Variants in STX3 observed in about 807,000 individuals in gnomAD.
The protein encoded by STX3 is syntaxin-3.
A neutral mutation model predicts 40.2 loss-of-function variants in STX3; 19 were observed. That is an observed-to-expected ratio of 0.47 (90% confidence interval 0.33 to 0.69). The LOEUF (loss-of-function observed/expected upper bound fraction) is 0.69. Among genes scored for constraint, STX3 ranks in the 30% least tolerant of loss-of-function variants. The pLI is 0.02. For synonymous variants in STX3, 122 were observed against 132.2 expected, an observed-to-expected ratio of 0.92 and a Z score of 0.53; for missense variants, 364 against 366.7, an observed-to-expected ratio of 0.99 and a Z score of 0.06.
intron 1 of STX3, among the ~76,000 whole-genome samples, chr11:59,764,012 C>A (rs1226117543): frequency 2.0e-5 from 3 of 150,354 alleles, no homozygotes; most frequent in African/African-American, 7.4e-5. Flanking sequence ...GAGCGAAACT[C>A]CGTCTCAAAA....
rs956770416 is a variant in STX3 at position 59,781,423 on chromosome 11, A to G, written c.115-5614A>G. On this transcript the variant is annotated intron_variant, in intron 2 of 10. Coordinates refer to ENST00000337979, the MANE Select transcript of STX3 (RefSeq NM_004177.5). Reference sequence around the variant, plus strand: ...GTTATTGTGCTTTCCTTCCCATCCCACTCCTGATGCTGAACCAATGCACCA... The same window carrying G: ...GTTATTGTGCTTTCCTTCCCATCCCGCTCCTGATGCTGAACCAATGCACCA... 1,178 of 1,608,848 alleles carry G rather than the reference A, an allele frequency of 7.3e-4. 1 individual carries two copies. The highest frequency in any genetic ancestry group is 8.9e-4 in the Non-Finnish European group (1,052 of 1,178,176).
rs367903171 is a variant in STX3, at chr11:59,792,058, A to T, written c.358-49A>T. The T allele has an allele frequency of 3.4e-6, 5 of 1,454,398 alleles. No homozygotes were observed. In the African/African-American group the frequency reaches 7.0e-5, roughly 20 times the overall value. 90.1% of individuals were successfully genotyped at this position (1,454,398 alleles called of 1,614,324 possible). ...TGTGGGGGTGGGGAGGGGTTCTATA[A>T]CAGTTACAGAACCACTGGGGCCTGA... On this transcript the variant is annotated intron_variant, in intron 5 of 10. Coordinates refer to ENST00000337979, the MANE Select transcript of STX3 (RefSeq NM_004177.5).
intron 6 of STX3, 93 bp downstream of exon 6, chr11:59,792,308 G>A (rs1470311859): frequency 1.9e-6 from 2 of 1,067,190 alleles, no homozygotes; most frequent in Non-Finnish European, 1.4e-6. Context: ...CAAGCAGGAA[G>A]CACATTTTGT....
At position 59,805,846 on chromosome 11, in the gene STX3, T is replaced by G. The variant is rs1199118426; in HGVS notation, c.*5022T>G. 2 of 153,230 alleles carry G rather than the reference T, an allele frequency of 1.3e-5. No homozygotes were observed. The highest frequency in any genetic ancestry group is 6.5e-5 in the Admixed American group (1 of 15,456). The allele number at this position is 153,230 out of a possible 1,614,324, so 9.5% of individuals were successfully genotyped here. A position where few individuals can be genotyped will look rare whatever the true frequency, so the allele number is the denominator to read the frequency against. The stretch of plus-strand genomic sequence containing the variant: ...CCTTCCAAGATTGTGAGAAGATGGG[T>G]AGCTGGGCATCAATAAATATTGAAT... On this transcript the variant is annotated 3_prime_UTR_variant, in exon 11 of 11. Transcript: ENST00000337979.
chr11:59,784,256 C>T (rs560446773), intron 2 of STX3, among the ~76,000 whole-genome samples: 64 of 152,368 alleles, frequency 4.2e-4, no homozygotes, highest in Admixed American at 4.0e-3. Context: ...CATGCAAAAT[C>T]TAAGTCCTTC....
intron 2 of STX3, among the ~76,000 whole-genome samples, chr11:59,784,657 G>A (rs1319240102): frequency 6.6e-6 from 1 of 152,212 alleles, no homozygotes; most frequent in Non-Finnish European, 1.5e-5. Context: ...CAGGCAAAAA[G>A]AGAGCTTGTG....
chr11:59,786,601 G>C (rs76964354), intron 2 of STX3, among the ~76,000 whole-genome samples: 15,713 of 151,572 alleles, frequency 0.1, 1,142 homozygotes, highest in African/African-American at 0.2. Context: ...CACTCTCTAG[G>C]TTTGTTCTTT....
rs1345229733 is a variant in STX3 at position 59,803,081 on chromosome 11, A to G, written c.*2257A>G. The G allele has an allele frequency of 2.4e-6, 3 of 1,227,476 alleles. No individual in the cohort carries two copies. Among genetic ancestry groups the G allele is most frequent in the Non-Finnish European group, 3.0e-6 (3 of 985,762 alleles). 76.0% of individuals were successfully genotyped at this position (1,227,476 alleles called of 1,614,324 possible). On this transcript the variant is annotated 3_prime_UTR_variant, in exon 11 of 11. Coordinates refer to ENST00000337979, the MANE Select transcript of STX3 (RefSeq NM_004177.5). ...GTTGGCATTCTGGGTCCTAGAAGCC[A>G]GATCCATCTCCTTTTTCCTTCTGTT...
Position 59,803,275 on chromosome 11 carries a change from A to G in STX3, c.*2451A>G. ...CCTTGCGATCATCTTAGCTTCCACCATTGGGAGCATATTTGCCTGAAAAAG... is the reference window on the plus strand; with the variant it reads ...CCTTGCGATCATCTTAGCTTCCACCGTTGGGAGCATATTTGCCTGAAAAAG... On this transcript the variant is annotated 3_prime_UTR_variant, in exon 11 of 11. Coordinates refer to ENST00000337979, the MANE Select transcript of STX3 (RefSeq NM_004177.5). The G allele has an allele frequency of 1.6e-6, 2 of 1,231,620 alleles. No homozygotes were observed. Among genetic ancestry groups the G allele is most frequent in the Non-Finnish European group, 2.0e-6 (2 of 987,878 alleles). The allele number at this position is 1,231,620 out of a possible 1,614,324, so 76.3% of individuals were successfully genotyped here. A position where few individuals can be genotyped will look rare whatever the true frequency, so the allele number is the denominator to read the frequency against.
At position 59,805,669 on chromosome 11, in the gene STX3, A is replaced by G. The variant is rs892328773; in HGVS notation, c.*4845A>G. The G allele has an allele frequency of 6.6e-6, 1 of 152,428 alleles. No individual in the cohort carries two copies. The highest frequency in any genetic ancestry group is 1.5e-5 in the Non-Finnish European group (1 of 68,242). 9.4% of individuals were successfully genotyped at this position (152,428 alleles called of 1,614,324 possible). On this transcript the variant is annotated 3_prime_UTR_variant, in exon 11 of 11. Transcript: ENST00000337979. ...AGTGGTGCATGGCACATAGCACTGT[A>G]CTAGATTCTGCAGGGGCACAAACAT...
At chr11:59,778,864 C>A (rs377269980) in intron 2 of STX3, among the ~76,000 whole-genome samples, 10 of 109,676 alleles carry the variant, frequency 9.1e-5, no homozygotes, top group African/African-American at 3.7e-4. Context: ...GATGAAGTTT[C>A]GCTCTTGTCG....
chr11:59,773,983 A>C (rs1968797), intron 2 of STX3, among the ~76,000 whole-genome samples: 8,340 of 144,662 alleles, frequency 0.058, 474 homozygotes, highest in African/African-American at 0.14. Flanking sequence ...CACACAAAAA[A>C]AAAAAAAAAA....
intron 2 of STX3, chr11:59,781,825 T>A (rs940510345): frequency 9.1e-7 from 1 of 1,096,174 alleles, no homozygotes; most frequent in Non-Finnish European, 1.3e-6. Context: ...ATATGAAGAC[T>A]GCTTGGGATT....
chr11:59,781,203 T>G (rs1489942691), intron 2 of STX3: 1 of 721,022 alleles, frequency 1.4e-6, no homozygotes, highest in South Asian at 1.8e-5. Flanking sequence ...ATAAAGATAA[T>G]TGAACACAGT....
chr11:59,779,123 G>T (rs1864188502), intron 2 of STX3, among the ~76,000 whole-genome samples: 1 of 152,120 alleles, frequency 6.6e-6, no homozygotes, highest in South Asian at 2.1e-4. Flanking sequence ...TAGGTGTGAG[G>T]CACCACGCTG....
intron 10 of STX3, chr11:59,799,708 A>G (rs1011568206): frequency 3.0e-6 from 3 of 985,376 alleles, no homozygotes; most frequent in East Asian, 1.1e-4. Context: ...CTTCCATGTG[A>G]CCAGGGGATC....
At chr11:59,799,775 C>G in intron 10 of STX3, 1 of 985,348 alleles carries the variant, frequency 1.0e-6, no homozygotes, top group Non-Finnish European at 1.2e-6. Flanking sequence ...AGATAAGCAA[C>G]AGTGAGATGA....
At chr11:59,770,210 AGGT>A (rs1420960093) in intron 1 of STX3, among the ~76,000 whole-genome samples, 3 of 138,376 alleles carry the variant, frequency 2.2e-5, no homozygotes, top group Non-Finnish European at 4.7e-5. Flanking sequence ...GTATATGAAG[AGGT>A]GGGGTGTATG....
At chr11:59,787,837 T>C (rs1479760096) in intron 3 of STX3, among the ~76,000 whole-genome samples, 1 of 152,224 alleles carries the variant, frequency 6.6e-6, no homozygotes, top group African/African-American at 2.4e-5. Flanking sequence ...GGTTTAGGGC[T>C]ATATTTTTGG....
Sources: gnomAD v4.1 joint callset for allele counts (sites outside exome capture counted in the v4.1 genomes callset) on GRCh38, gnomAD v4.1.1 for gene constraint, MANE v1.5 for transcripts, NCBI Gene and HGNC (gene_info 2026-07-23, HGNC 2026-07-21) for gene names.